Variants in EVC observed in about 807,000 individuals in gnomAD.
EVC encodes EvC ciliary complex subunit 1, also known as evC complex member EVC.
In EVC, 116 loss-of-function variants were observed where a neutral mutation model predicts 118.9. That is an observed-to-expected ratio of 0.98 (90% CI 0.84 to 1.14). The LOEUF is 1.14. Ranked by LOEUF, EVC falls within the 50% of genes most tolerant of loss-of-function variation. The pLI is 0.00. For synonymous variants in EVC, 619 were observed against 534.7 expected, an observed-to-expected ratio of 1.16 and a Z score of -2.18; for missense variants, 1,401 against 1,246.4, an observed-to-expected ratio of 1.12 and a Z score of -1.87.
intron 11 of EVC, among the ~76,000 whole-genome samples, chr4:5,764,048 T>C (rs1732477856): frequency 6.7e-6 from 1 of 148,170 alleles, no homozygotes; most frequent in Non-Finnish European, 1.5e-5. Flanking sequence ...TTGTCATAGA[T>C]AGCTCTTATT....
intron 11 of EVC, among the ~76,000 whole-genome samples, chr4:5,761,397 C>G (rs1003834636): frequency 1.3e-5 from 2 of 150,352 alleles, no homozygotes; most frequent in African/African-American, 4.9e-5. Context: ...TGAGCCAGCT[C>G]GAGGGTGCAC....
intron 1 of EVC, among the ~76,000 whole-genome samples, chr4:5,716,317 A>G (rs1393512291): frequency 6.6e-6 from 1 of 152,248 alleles, no homozygotes; most frequent in Non-Finnish European, 1.5e-5. Context: ...TTTGGCCTAA[A>G]AGGGCCAGAC....
At chr4:5,821,069 C>A in the EVC span, 1 of 152,318 alleles carries the variant, frequency 6.6e-6, no homozygotes. This position sits in a 1 kb window ranked among gnomAD's most constrained non-coding sequence, Gnocchi z 4.4. Context: ...GAAGAACACA[C>A]ACAGACCAGA....
At chr4:5,805,851 TC>T (rs1715787640) in intron 17 of EVC, among the ~76,000 whole-genome samples, 3 of 150,750 alleles carry the variant, frequency 2.0e-5, no homozygotes, top group Non-Finnish European at 1.5e-5. Flanking sequence ...TGCCCTTCCC[TC>T]CCTGTCACAC....
chr4:5,749,878 G>C lies in EVC; in HGVS notation c.1098+1572G>C, dbSNP rs1560333933. On this transcript the variant is annotated intron_variant, in intron 8 of 20. Transcript: ENST00000264956. The surrounding 1 kb of genome is among the most constrained non-coding windows in gnomAD (Gnocchi z 4.4). Reference sequence around the variant, plus strand: ...CCACATGCCTCTCCCAATCCGCTCTGCTCCTCCAGGTGTGATCCACAGACC... The same window carrying C: ...CCACATGCCTCTCCCAATCCGCTCTCCTCCTCCAGGTGTGATCCACAGACC... Among the ~76,000 whole-genome samples the C allele has an allele frequency of 6.6e-6, 1 of 152,124 alleles. No individual in the cohort carries two copies. Among genetic ancestry groups the C allele is most frequent in the Non-Finnish European group, 1.5e-5 (1 of 68,022 alleles).
At chr4:5,828,044 C>G in the EVC span, 1 of 985,442 alleles carries the variant, frequency 1.0e-6, no homozygotes, top group Non-Finnish European at 1.2e-6. Context: ...GAAGCCCTGC[C>G]TGCAAGATGC....
At chr4:5,791,982 C>T (rs1368967753) in intron 12 of EVC, among the ~76,000 whole-genome samples, 2 of 152,202 alleles carry the variant, frequency 1.3e-5, no homozygotes, top group Non-Finnish European at 2.9e-5. Context: ...TAGGGGAGCT[C>T]TGATGGCCTG....
At chr4:5,757,377 A>T (rs187288847) in intron 11 of EVC, among the ~76,000 whole-genome samples, 1 of 152,176 alleles carries the variant, frequency 6.6e-6, no homozygotes, top group Non-Finnish European at 1.5e-5. Flanking sequence ...GGAGAAGCTC[A>T]TGCAGTGGTG....
rs181771437 is a variant in EVC, at chr4:5,787,481, C to T, written c.1776+3717C>T. On this transcript the variant is annotated intron_variant, in intron 12 of 20. Coordinates refer to ENST00000264956, the MANE Select transcript of EVC (RefSeq NM_153717.3). ...CTGCAGCCATTGCTGGACTTGAAGA[C>T]GGAGGAAGGGGCTGTGAGCCCGGGA... is the stretch of plus-strand genomic sequence containing the variant. 6.6e-4 allele frequency among the ~76,000 whole-genome samples: 101 copies of T among 152,190 alleles called. 1 individual carries two copies. Among genetic ancestry groups the T allele is most frequent in the Non-Finnish European group, 1.3e-3 (86 of 68,020 alleles).
rs1440606898 is a variant in EVC at position 5,731,185 on chromosome 4, G to C, written c.385-240G>C. Among the ~76,000 whole-genome samples, 2 of 151,982 alleles carry C rather than the reference G, an allele frequency of 1.3e-5. No homozygotes were observed. Among genetic ancestry groups the C allele is most frequent in the African/African-American group, 4.8e-5 (2 of 41,386 alleles). ...ATCCAGGTTGGCAGTTTAGGGGAAG[G>C]AACCTGGTGCAGAGGGGCTGGCCTT... On this transcript the variant is annotated intron_variant, in intron 3 of 20. Coordinates refer to ENST00000264956, the MANE Select transcript of EVC (RefSeq NM_153717.3). This position sits in a 1 kb window ranked among gnomAD's most constrained non-coding sequence, Gnocchi z 5.6.
intron 11 of EVC, among the ~76,000 whole-genome samples, chr4:5,760,225 G>T (rs1731799422): frequency 1.3e-5 from 2 of 151,980 alleles, no homozygotes; most frequent in South Asian, 4.1e-4. Context: ...CAATACGGAA[G>T]TTCCTGGCCA....
intron 11 of EVC, among the ~76,000 whole-genome samples, chr4:5,767,682 C>G (rs375629122): frequency 2.0e-5 from 3 of 152,224 alleles, no homozygotes; most frequent in East Asian, 3.9e-4. Flanking sequence ...ATCTGTCACC[C>G]CTTTCTTTGA....
Position 5,798,784 on chromosome 4 carries a change from G to T in EVC, c.2296G>T (p.Asp766Tyr), listed in dbSNP as rs1714449581. Residue 766 changes from aspartate to tyrosine, a missense_variant, in exon 15 of 21, where the codon GAC becomes TAC. Asp to Tyr is a radical substitution (Grantham distance 160). Transcript: ENST00000264956. The surrounding 1 kb of genome is among the most constrained non-coding windows in gnomAD (Gnocchi z 4.1). ...CAAGAGCCGGGCCAAGGACAGGGAT[G>T]ACTTCAAGGTATGCACTGACCTCTG... ...ATKSRAKDRD[D>Y]FKRTLMEAAV... is the part of the protein sequence containing the mutation. 2 of 1,610,732 alleles carry T rather than the reference G, an allele frequency of 1.2e-6. No individual in the cohort carries two copies. The highest frequency in any genetic ancestry group is 1.1e-5 in the South Asian group (1 of 90,788).
chr4:5,711,692 T>G, intron 1 of EVC, 138 bp downstream of exon 1: 1 of 753,726 alleles, frequency 1.3e-6, no homozygotes, highest in Non-Finnish European at 1.7e-6. Context: ...AGGCGTCGGG[T>G]TCCCCTTCTG....
At chr4:5,816,499 T>G (rs1309419807), downstream of EVC, among the ~76,000 whole-genome samples, 2 of 152,098 alleles carry the variant, frequency 1.3e-5, no homozygotes, top group Non-Finnish European at 2.9e-5. Flanking sequence ...GACTTCTTGC[T>G]CTACCTGCTG....
chr4:5,711,372 G>A lies in EVC; in HGVS notation c.-9G>A. ...GGGATGCGGCGGGGCGGCAGCCTGA[G>A]CGCCCCGGATGGCCCGCGGCGGGGC... On this transcript the variant is annotated 5_prime_UTR_variant, in exon 1 of 21. Coordinates refer to ENST00000264956, the MANE Select transcript of EVC (RefSeq NM_153717.3). 1 of 1,009,750 alleles carries A rather than the reference G, an allele frequency of 9.9e-7. No individual in the cohort carries two copies. Among genetic ancestry groups the A allele is most frequent in the Non-Finnish European group, 1.2e-6 (1 of 847,726 alleles). The allele number at this position is 1,009,750 out of a possible 1,614,324, so 62.5% of individuals were successfully genotyped here.
At position 5,810,231 on chromosome 4, in the gene EVC, C is replaced by T. The variant is rs148153120; in HGVS notation, c.2783-108C>T. On this transcript the variant is annotated intron_variant, in intron 19 of 20. Transcript: ENST00000264956. The stretch of plus-strand genomic sequence containing the variant: ...CATAAGATACCAAGCATACACTTGG[C>T]CCACACAACATGCTCAAAAATGTCA... The T allele has an allele frequency of 4.8e-6, 4 of 829,972 alleles. No individual in the cohort carries two copies. The African/African-American group carries it at 6.7e-5, about 14-fold the overall frequency. The allele number at this position is 829,972 out of a possible 1,614,324, so 51.4% of individuals were successfully genotyped here.
chr4:5,734,302 A>T (rs1727325257), intron 5 of EVC, among the ~76,000 whole-genome samples: 1 of 152,216 alleles, frequency 6.6e-6, no homozygotes, highest in Non-Finnish European at 1.5e-5. Context: ...ACAGACACAC[A>T]GATATGTCTA....
rs1033081169 is a variant in EVC at position 5,741,826 on chromosome 4, A to G, written c.801+12A>G. On this transcript the variant is annotated intron_variant, in intron 6 of 20. Transcript: ENST00000264956. ...CAAAACAAGAAAAAGTAAGTCTTCAACCTATGTTTCAAGGTAACTTAAAAA... is the reference window on the plus strand; with the variant it reads ...CAAAACAAGAAAAAGTAAGTCTTCAGCCTATGTTTCAAGGTAACTTAAAAA... The G allele has an allele frequency of 2.2e-6, 3 of 1,363,020 alleles. No homozygotes were observed. Among genetic ancestry groups the G allele is most frequent in the African/African-American group, 2.8e-5 (2 of 70,402 alleles). 84.4% of individuals were successfully genotyped at this position (1,363,020 alleles called of 1,614,324 possible).
Sources: allele counts gnomAD v4.1 joint callset (sites outside exome capture counted in the v4.1 genomes callset), GRCh38; gene constraint gnomAD v4.1.1; non-coding constraint Gnocchi (gnomAD v3.1); transcripts MANE v1.5; gene names NCBI Gene and HGNC (gene_info 2026-07-23, HGNC 2026-07-21).